MYCBP2: variants seen among roughly 807,000 people sequenced by gnomAD.
MYCBP2 encodes the protein MYC binding protein 2, also known as E3 ubiquitin-protein ligase MYCBP2.
In MYCBP2, 120 loss-of-function variants were observed where a neutral mutation model predicts 525.3. The ratio of observed to expected loss-of-function variants is 0.23; its 90% CI spans 0.20 to 0.27. The LOEUF (loss-of-function observed/expected upper bound fraction) is 0.27, where lower values mean the gene tolerates loss of function less well. MYCBP2 is among the 10% of genes least tolerant of loss of function. The pLI, the probability that MYCBP2 is intolerant of heterozygous loss-of-function variation, is 1.00. For missense variants in MYCBP2, 4,149 were observed against 5,657.1 expected (o/e 0.73, Z 8.55); for synonymous variants, 1,894 against 1,955.8 (o/e 0.97, Z 0.83).
At chr13:77,277,060 T>C (rs1484056164) in intron 4 of MYCBP2, among the ~76,000 whole-genome samples, 1 of 152,088 alleles carries the variant, frequency 6.6e-6, no homozygotes, top group Non-Finnish European at 1.5e-5. Flanking sequence ...GGAAAGAAAG[T>C]ATGTACAGAA....
At chr13:77,054,411 T>C (rs988413479) in intron 80 of MYCBP2, among the ~76,000 whole-genome samples, 1 of 136,452 alleles carries the variant, frequency 7.3e-6, no homozygotes, top group Admixed American at 7.2e-5. Context: ...GAAGTATTAA[T>C]TAGCAGCAGT....
At chr13:77,085,689 G>T (rs2044130129) in intron 62 of MYCBP2, among the ~76,000 whole-genome samples, 1 of 152,174 alleles carries the variant, frequency 6.6e-6, no homozygotes, top group Non-Finnish European at 1.5e-5. Flanking sequence ...TGCAGCTTCT[G>T]TGCTCTCTTT....
At position 77,311,082 on chromosome 13, in the gene MYCBP2, C is replaced by G. The variant is rs577638931; in HGVS notation, c.303-14408G>C. ...AATTTCCCAGTTTGGTTGTTTTTCTCCTTTCACTAACAGCTTTGCCTGAAG... is the reference window on the plus strand; with the variant it reads ...AATTTCCCAGTTTGGTTGTTTTTCTGCTTTCACTAACAGCTTTGCCTGAAG... On this transcript the variant is annotated intron_variant, in intron 1 of 82. Coordinates refer to ENST00000544440, the MANE Select transcript of MYCBP2 (RefSeq NM_015057.5). 2.0e-5 allele frequency among the ~76,000 whole-genome samples: 3 copies of G among 152,278 alleles called. No homozygotes were observed. In the South Asian group the frequency reaches 6.2e-4, roughly 32 times the overall value.
At position 77,270,426 on chromosome 13, in the gene MYCBP2, T is replaced by C. The variant is rs1349555054; in HGVS notation, c.1058A>G (p.Lys353Arg). 32 of 1,613,710 alleles carry C rather than the reference T, an allele frequency of 2.0e-5. No homozygotes were observed. The highest frequency in any genetic ancestry group is 2.3e-5 in the Non-Finnish European group (27 of 1,179,844). Residue 353 changes from lysine to arginine, a missense_variant, in exon 6 of 83, where the codon AAG becomes AGG. This residue lies in a region of MYCBP2 where 413 missense variants were observed against 451.2 expected (regional missense o/e 0.92). Transcript: ENST00000544440. ...AACAGATATTTCTTTTAATGGCCAC[T>C]TGTGCATTAAAGCTGCTTTCTTAAT... Reference protein sequence around the residue: ...NGIKKAALMHKWPLKEISVDE... With the variant: ...NGIKKAALMHRWPLKEISVDE...
At chr13:77,078,143 T>C (rs2042642511) in intron 66 of MYCBP2, 1 of 152,184 alleles carries the variant, frequency 6.6e-6, no homozygotes, top group Non-Finnish European at 1.5e-5. Context: ...ACAATCTCAT[T>C]GAATAGGATT....
At chr13:77,139,449 T>C in intron 51 of MYCBP2, 113 bp from the exon 52 acceptor site, 4 of 1,208,682 alleles carry the variant, frequency 3.3e-6, no homozygotes, top group Non-Finnish European at 3.4e-6. Flanking sequence ...AGATTAAGCA[T>C]CTAGTTTTTG....
rs1411214955 is a variant in MYCBP2, at chr13:77,326,339, C to A, written c.302+135G>T. ...CTCGATAAGTGCTCCTGCCAACAGACATCCAGAGCGGACTGAAAGCTCAAT... is the reference window on the plus strand; with the variant it reads ...CTCGATAAGTGCTCCTGCCAACAGAAATCCAGAGCGGACTGAAAGCTCAAT... On this transcript the variant is annotated intron_variant, in intron 1 of 82. Coordinates refer to ENST00000544440, the MANE Select transcript of MYCBP2 (RefSeq NM_015057.5). The surrounding 1 kb of genome is among the most constrained non-coding windows in gnomAD (Gnocchi z 4.2). The A allele has an allele frequency of 5.8e-6, 5 of 855,252 alleles. No individual in the cohort carries two copies. Among genetic ancestry groups the A allele is most frequent in the Admixed American group, 6.9e-5 (2 of 29,028 alleles). The allele number at this position is 855,252 out of a possible 1,614,324, so 53.0% of individuals were successfully genotyped here. A position where few individuals can be genotyped will look rare whatever the true frequency, so the allele number is the denominator to read the frequency against.
chr13:77,045,803 C>T (rs1417150379), intron 82 of MYCBP2, among the ~76,000 whole-genome samples: 1 of 152,068 alleles, frequency 6.6e-6, no homozygotes, highest in African/African-American at 2.4e-5. Flanking sequence ...CATTTTAAAA[C>T]AGAGTAATGA....
chr13:77,145,848 T>C (rs1382214018), intron 48 of MYCBP2, among the ~76,000 whole-genome samples: 2 of 151,828 alleles, frequency 1.3e-5, no homozygotes, highest in East Asian at 1.9e-4. Context: ...AATTTTTAAA[T>C]AGCAAACAAA....
At chr13:77,079,044 T>C (rs554241019) in intron 65 of MYCBP2, among the ~76,000 whole-genome samples, 155 bp from the exon 66 acceptor site, 67 of 152,120 alleles carry the variant, frequency 4.4e-4, no homozygotes, top group Non-Finnish European at 7.4e-4. Flanking sequence ...CTAACCACGG[T>C]TCCTATAACT....
intron 56 of MYCBP2, among the ~76,000 whole-genome samples, chr13:77,096,837 C>T (rs2046328547): frequency 6.6e-6 from 1 of 151,972 alleles, no homozygotes; most frequent in Non-Finnish European, 1.5e-5. Flanking sequence ...ATTCATAAGA[C>T]ATTTGAGGTA....
At chr13:77,183,026 A>C (rs2154249685) in intron 32 of MYCBP2, among the ~76,000 whole-genome samples, 1 of 152,240 alleles carries the variant, frequency 6.6e-6, no homozygotes, top group Middle Eastern at 3.4e-3. Context: ...GAAATCATCA[A>C]TTTGCCTTCT....
At chr13:77,309,896 G>A (rs529286809) in intron 1 of MYCBP2, among the ~76,000 whole-genome samples, 11 of 152,252 alleles carry the variant, frequency 7.2e-5, no homozygotes, top group African/African-American at 2.4e-4. Flanking sequence ...GGCAAATCAC[G>A]AGGTCAAGAG....
In MYCBP2 at chr13:77,267,876, T is replaced by C; in HGVS notation, c.1322A>G (p.Glu441Gly). 1 of 1,613,964 alleles carries C rather than the reference T, an allele frequency of 6.2e-7. No individual in the cohort carries two copies. The highest frequency in any genetic ancestry group is 8.5e-7 in the Non-Finnish European group (1 of 1,179,922). Residue 441 changes from glutamate (E) to glycine (G), a missense_variant, in exon 8 of 83, where the codon GAA (glutamate) becomes GGA (glycine). Coordinates refer to ENST00000544440, the MANE Select transcript of MYCBP2 (RefSeq NM_015057.5). ...CACAGTACCATCTTGCTCCAGTGTT[T>C]CAGGGCTTATCCTTATGGCTGTCAT... is the stretch of plus-strand genomic sequence containing the variant. ...HSMTAIRISPETLEQDGTVML... is the reference protein window; with the variant it reads ...HSMTAIRISPGTLEQDGTVML...
At chr13:77,294,104 C>CCATATATATATATA (rs1297038387) in intron 2 of MYCBP2, among the ~76,000 whole-genome samples, 1 of 41,920 alleles carries the variant, frequency 2.4e-5, no homozygotes, top group African/African-American at 6.9e-5. Flanking sequence ...GATATAATGG[C>CCATATATATATATA]TATATATATA....
intron 12 of MYCBP2, 58 bp downstream of exon 12, chr13:77,261,113 T>C (rs746576983): frequency 7.6e-5 from 106 of 1,390,360 alleles, no homozygotes; most frequent in Non-Finnish European, 5.4e-5. Context: ...TAAAGTTTTA[T>C]TTTTACTAAA....
At chr13:77,309,234 G>C (rs1341140694) in intron 1 of MYCBP2, among the ~76,000 whole-genome samples, 2 of 152,116 alleles carry the variant, frequency 1.3e-5, no homozygotes, top group Non-Finnish European at 2.9e-5. Flanking sequence ...GTGGGTGTTG[G>C]CTCATTATAA....
intron 20 of MYCBP2, among the ~76,000 whole-genome samples, chr13:77,220,791 C>T (rs1387894054): frequency 6.6e-6 from 1 of 152,174 alleles, no homozygotes; most frequent in African/African-American, 2.4e-5. Flanking sequence ...CCAAGTTCCA[C>T]AAAAGTCCAG....
chr13:77,093,109 A>C, intron 59 of MYCBP2, 56 bp downstream of exon 59: 1 of 1,502,688 alleles, frequency 6.7e-7, no homozygotes, highest in East Asian at 2.3e-5. Flanking sequence ...TTCTAGTTCA[A>C]AGTCTTTCTT....
Sources: gnomAD v4.1 joint callset for allele counts (sites outside exome capture counted in the v4.1 genomes callset) on GRCh38, gnomAD v4.1.1 for gene constraint, gnomAD v4.1.1 regional missense constraint, Gnocchi (gnomAD v3.1) non-coding constraint, MANE v1.5 for transcripts, NCBI Gene and HGNC (gene_info 2026-07-23, HGNC 2026-07-21) for gene names.